CRACD: variants seen among roughly 807,000 people sequenced by gnomAD.
CRACD encodes the protein capping protein-inhibiting regulator of actin dynamics.
In CRACD, 56 loss-of-function variants were observed where a neutral mutation model predicts 106.8. The ratio of observed to expected loss-of-function variants is 0.52; its 90% CI spans 0.42 to 0.66. The LOEUF is 0.66. CRACD is among the 30% of genes least tolerant of loss of function. CRACD has a pLI of 0.00. For missense variants in CRACD, 1,730 were observed against 1,623.2 expected, an observed-to-expected ratio of 1.07 and a Z score of -1.13; for synonymous variants, 754 against 670.8, an observed-to-expected ratio of 1.12 and a Z score of -1.92.
At chr4:56,070,640 C>G (rs1732614478) in intron 1 of CRACD, among the ~76,000 whole-genome samples, 2 of 152,162 alleles carry the variant, frequency 1.3e-5, no homozygotes, top group African/African-American at 2.4e-5. Flanking sequence ...TCTTTCCTGA[C>G]TTGTCTAGCA....
At chr4:56,325,137 T>C (rs538651665) in intron 10 of CRACD, among the ~76,000 whole-genome samples, 2 of 152,166 alleles carry the variant, frequency 1.3e-5, no homozygotes, top group South Asian at 4.1e-4. Flanking sequence ...GAGTTCGATA[T>C]TAGCCTGGGC....
At chr4:56,165,252 C>A (rs138205682) in intron 1 of CRACD, among the ~76,000 whole-genome samples, 60 of 152,326 alleles carry the variant, frequency 3.9e-4, no homozygotes, top group African/African-American at 1.3e-3. Flanking sequence ...GTTTAAAGAA[C>A]ATCCACTGAG....
chr4:56,164,686 G>A (rs1461152028), intron 1 of CRACD, among the ~76,000 whole-genome samples: 1 of 152,162 alleles, frequency 6.6e-6, no homozygotes, highest in Non-Finnish European at 1.5e-5. Context: ...GAAGGAGTCT[G>A]AGGGAACTTT....
chr4:56,057,199 G>T (rs1732103805), intron 1 of CRACD, among the ~76,000 whole-genome samples: 1 of 152,182 alleles, frequency 6.6e-6, no homozygotes, highest in Non-Finnish European at 1.5e-5. Context: ...TGATGAGAAG[G>T]CTAAGGTTCA....
At chr4:56,135,978 G>A (rs1279130053) in intron 1 of CRACD, among the ~76,000 whole-genome samples, 6 of 151,574 alleles carry the variant, frequency 4.0e-5, no homozygotes, top group Admixed American at 1.3e-4. Flanking sequence ...AAATTACTTT[G>A]CATTTTATAG....
intron 2 of CRACD, chr4:56,246,389 T>C (rs1403007625): frequency 6.6e-6 from 1 of 152,180 alleles, no homozygotes; most frequent in Non-Finnish European, 1.5e-5. Flanking sequence ...GAGGGATGCA[T>C]GCACAGTCAC....
At position 56,315,433 on chromosome 4, in the gene CRACD, A is replaced by T; in HGVS notation, c.1931A>T (p.Asp644Val). Residue 644 changes from aspartate (D) to valine (V), a missense_variant, in exon 8 of 11, where the codon GAC (aspartate) becomes GTC (valine). Physicochemically the swap from Asp to Val is radical, Grantham distance 152. Around this residue, in one of 5 missense-constraint regions of CRACD, gnomAD observed 1,620 missense variants for 1,481.6 expected, o/e 1.09. Transcript: ENST00000682029. The surrounding 1 kb of genome is among the most constrained non-coding windows in gnomAD (Gnocchi z 4.1). Reference protein sequence around the residue: ...AGENPPRGPGDARAGSGKAKP... With the variant: ...AGENPPRGPGVARAGSGKAKP... ...GAGAACCCTCCCCGAGGCCCCGGCGACGCGAGGGCGGGCAGCGGGAAGGCT... is the reference window on the plus strand; with the variant it reads ...GAGAACCCTCCCCGAGGCCCCGGCGTCGCGAGGGCGGGCAGCGGGAAGGCT... 2 of 1,612,752 alleles carry T rather than the reference A, an allele frequency of 1.2e-6. No individual in the cohort carries two copies. Among genetic ancestry groups the T allele is most frequent in the Non-Finnish European group, 8.5e-7 (1 of 1,179,674 alleles).
intron 2 of CRACD, among the ~76,000 whole-genome samples, chr4:56,204,246 A>G (rs1223451653): frequency 1.3e-5 from 2 of 151,848 alleles, no homozygotes; most frequent in African/African-American, 4.8e-5. Context: ...GATCCATTAG[A>G]CTCTCCTTCT....
chr4:56,232,938 A>G (rs937999100), intron 2 of CRACD, among the ~76,000 whole-genome samples: 4 of 151,888 alleles, frequency 2.6e-5, no homozygotes, highest in Non-Finnish European at 5.9e-5. Flanking sequence ...CATATCGAAC[A>G]GGCTGGTCTT....
At chr4:56,240,808 G>A (rs559351108) in intron 2 of CRACD, among the ~76,000 whole-genome samples, 1 of 152,310 alleles carries the variant, frequency 6.6e-6, no homozygotes, top group Admixed American at 6.5e-5. Context: ...AGATTCTTAG[G>A]TTTGTCTTCT....
At chr4:56,317,626 C>T (rs1204666634) in intron 8 of CRACD, among the ~76,000 whole-genome samples, 2 of 152,120 alleles carry the variant, frequency 1.3e-5, no homozygotes, top group East Asian at 1.9e-4. Flanking sequence ...GTAGTGGCAC[C>T]ATGATGGCAG....
Position 56,314,566 on chromosome 4 carries a change from C to A in CRACD, c.1064C>A (p.Ala355Glu). The change falls in exon 8 of 11, where the codon GCG (alanine) becomes GAG (glutamate). Residue 355 changes from alanine (A) to glutamate (E), a missense_variant. Physicochemically the swap from Ala to Glu is moderately radical, Grantham distance 107. This residue lies in a region of CRACD where 1,620 missense variants were observed against 1,481.6 expected (regional missense o/e 1.09). Coordinates refer to ENST00000682029, the MANE Select transcript of CRACD (RefSeq NM_001393381.1). This position sits in a 1 kb window ranked among gnomAD's most constrained non-coding sequence, Gnocchi z 4.4. ...CAGGAGGAGGAGGAAGGAAGATGCGCGGAGGAGCTCAAAAGGCAGGAGGAG... is the reference window on the plus strand; with the variant it reads ...CAGGAGGAGGAGGAAGGAAGATGCGAGGAGGAGCTCAAAAGGCAGGAGGAG... Reference protein sequence around the residue: ...RRQEEEEGRCAEELKRQEEEE... With the variant: ...RRQEEEEGRCEEELKRQEEEE... 6.6e-7 allele frequency: 1 copy of A among 1,511,852 alleles called. No homozygotes were observed. 93.7% of individuals were successfully genotyped at this position (1,511,852 alleles called of 1,614,324 possible).
intron 2 of CRACD, among the ~76,000 whole-genome samples, chr4:56,199,694 G>A (rs59194030): frequency 0.42 from 50,121 of 119,704 alleles, 9,735 homozygotes; most frequent in African/African-American, 0.48. Flanking sequence ...AAAAAAAAAA[G>A]AAAAGAAAAA....
intron 1 of CRACD, among the ~76,000 whole-genome samples, chr4:56,070,360 C>A (rs1414131718): frequency 6.7e-6 from 1 of 148,246 alleles, no homozygotes; most frequent in Non-Finnish European, 1.5e-5. Flanking sequence ...AGTACAGTGG[C>A]GCCATCTCGG....
At chr4:56,134,430 C>T (rs537414873) in intron 1 of CRACD, among the ~76,000 whole-genome samples, 3 of 152,102 alleles carry the variant, frequency 2.0e-5, no homozygotes, top group African/African-American at 4.8e-5. Context: ...TGCCCTCCCC[C>T]GCAATTTCAT....
At position 56,314,555 on chromosome 4, in the gene CRACD, A is replaced by G; in HGVS notation, c.1053A>G (p.Glu351=). ...LEERRRQEEE[E]GRCAEELKRQ... is the part of the protein sequence containing the mutation. ...AGCGGAGGCGGCAGGAGGAGGAGGA[A>G]GGAAGATGCGCGGAGGAGCTCAAAA... Residue 351 remains glutamate (E), a synonymous_variant, in exon 8 of 11, where the codon GAA becomes GAG. Coordinates refer to ENST00000682029, the MANE Select transcript of CRACD (RefSeq NM_001393381.1). This position sits in a 1 kb window ranked among gnomAD's most constrained non-coding sequence, Gnocchi z 4.4. 5 of 1,507,620 alleles carry G rather than the reference A, an allele frequency of 3.3e-6. No homozygotes were observed. The highest frequency in any genetic ancestry group is 3.5e-6 in the Non-Finnish European group (4 of 1,131,146). The allele number at this position is 1,507,620 out of a possible 1,614,324, so 93.4% of individuals were successfully genotyped here.
At chr4:56,137,292 G>C (rs898521810) in intron 1 of CRACD, among the ~76,000 whole-genome samples, 4 of 151,782 alleles carry the variant, frequency 2.6e-5, no homozygotes, top group African/African-American at 9.7e-5. Context: ...AAAAAGAAAA[G>C]AAAATTTTCA....
chr4:56,097,949 T>TA (rs1218159231), intron 1 of CRACD, among the ~76,000 whole-genome samples: 6 of 152,242 alleles, frequency 3.9e-5, no homozygotes, highest in African/African-American at 1.4e-4. Flanking sequence ...AATCAACACT[T>TA]AAATTTACTA....
At chr4:56,262,472 A>C (rs558856050) in intron 2 of CRACD, among the ~76,000 whole-genome samples, 12 of 152,274 alleles carry the variant, frequency 7.9e-5, no homozygotes, top group African/African-American at 1.9e-4. Flanking sequence ...AGCCAGCCCC[A>C]CACAAATTCA....
Sources: allele counts gnomAD v4.1 joint callset (sites outside exome capture counted in the v4.1 genomes callset), GRCh38; gene constraint gnomAD v4.1.1; regional missense constraint gnomAD v4.1.1; non-coding constraint Gnocchi (gnomAD v3.1); transcripts MANE v1.5; gene names NCBI Gene and HGNC (gene_info 2026-07-23, HGNC 2026-07-21).